IQCK: variants seen among roughly 807,000 people sequenced by gnomAD.
The protein encoded by IQCK is IQ motif containing K, also known as IQ domain-containing protein K.
IQCK carries 29 observed loss-of-function variants against 28.1 expected under a neutral mutation model. That is an observed-to-expected ratio of 1.03 (90% confidence interval 0.77 to 1.41). The LOEUF is 1.41. IQCK is among the 40% of genes most tolerant of loss of function. IQCK has a pLI of 0.00. For synonymous variants in IQCK, 113 were observed against 115.1 expected, an observed-to-expected ratio of 0.98 and a Z score of 0.12; for missense variants, 359 against 314.7, an observed-to-expected ratio of 1.14 and a Z score of -1.07.
In IQCK at chr16:19,825,445, G is replaced by T. The variant is rs188386760; in HGVS notation, c.691-1581G>T. On this transcript the variant is annotated intron_variant, in intron 7 of 7. Coordinates refer to ENST00000564186, the Ensembl canonical transcript of IQCK. The surrounding 1 kb of genome is among the most constrained non-coding windows in gnomAD (Gnocchi z 4.2). ...TGAGGCAGGAGAATTGCTTGAACCC[G>T]GGAAGTGGAGGTTGCAGTGAGCTGA... 5.5e-4 allele frequency among the ~76,000 whole-genome samples: 84 copies of T among 152,118 alleles called. No individual in the cohort carries two copies. Among genetic ancestry groups the T allele is most frequent in the Admixed American group, 1.1e-3 (17 of 15,270 alleles).
intron 1 of IQCK, among the ~76,000 whole-genome samples, chr16:19,729,995 A>G (rs1295301887): frequency 7.0e-6 from 1 of 143,190 alleles, no homozygotes; most frequent in Admixed American, 7.1e-5. Context: ...CTTGTCTTTC[A>G]GGCTGGCTGG....
At chr16:19,735,739 T>G in intron 4 of IQCK, 1 of 408,144 alleles carries the variant, frequency 2.5e-6, no homozygotes, top group South Asian at 2.2e-5. Context: ...TTCTTGGGTC[T>G]TCAGCTTCTG....
At chr16:19,823,788 T>A (rs1174245192) in intron 7 of IQCK, among the ~76,000 whole-genome samples, 2 of 151,888 alleles carry the variant, frequency 1.3e-5, no homozygotes, top group Non-Finnish European at 2.9e-5. Flanking sequence ...ACTACAAAAA[T>A]TAGATGGGGT....
At chr16:19,727,693 C>A (rs148167704) in intron 1 of IQCK, among the ~76,000 whole-genome samples, 1 of 151,874 alleles carries the variant, frequency 6.6e-6, no homozygotes, top group African/African-American at 2.4e-5. Flanking sequence ...CATAAGACAT[C>A]CCTATGTTAT....
intron 7 of IQCK, among the ~76,000 whole-genome samples, chr16:19,806,202 C>G (rs938346892): frequency 6.6e-5 from 10 of 151,964 alleles, no homozygotes; most frequent in Non-Finnish European, 1.2e-4. Context: ...TATTGAGGAC[C>G]AGCAAGAGAG....
At chr16:19,783,933 C>T (rs1035068835) in intron 6 of IQCK, among the ~76,000 whole-genome samples, 26 of 152,204 alleles carry the variant, frequency 1.7e-4, no homozygotes, top group African/African-American at 5.8e-4. Context: ...CTGAGATTTG[C>T]AGTTCTGTTT....
intron 6 of IQCK, among the ~76,000 whole-genome samples, chr16:19,784,980 G>A (rs1007163915): frequency 2.6e-5 from 4 of 152,110 alleles, no homozygotes; most frequent in Non-Finnish European, 5.9e-5. Flanking sequence ...TGTTGGCCAG[G>A]CTGGTCTCGA....
intron 4 of IQCK, among the ~76,000 whole-genome samples, chr16:19,745,187 C>G (rs1234503818): frequency 6.6e-6 from 1 of 152,182 alleles, no homozygotes; most frequent in Non-Finnish European, 1.5e-5. Flanking sequence ...GACCCTGCTG[C>G]ATCGTCTAGG....
intron 6 of IQCK, among the ~76,000 whole-genome samples, chr16:19,781,451 G>A (rs761085480): frequency 2.6e-5 from 4 of 152,132 alleles, no homozygotes; most frequent in Non-Finnish European, 2.9e-5. Flanking sequence ...ATCTCCCAGG[G>A]TAGAGATTAG....
intron 4 of IQCK, among the ~76,000 whole-genome samples, chr16:19,744,256 T>G (rs1003575261): frequency 6.6e-6 from 1 of 152,166 alleles, no homozygotes; most frequent in African/African-American, 2.4e-5. Context: ...TCTTCTTTTC[T>G]CTAAGCACAC....
At chr16:19,762,754 C>T (rs2151708905) in intron 4 of IQCK, among the ~76,000 whole-genome samples, 1 of 152,266 alleles carries the variant, frequency 6.6e-6, no homozygotes, top group East Asian at 1.9e-4. Flanking sequence ...GTGGCTCACA[C>T]CTGTAATCCC....
intron 6 of IQCK, among the ~76,000 whole-genome samples, chr16:19,779,338 G>T (rs2055442535): frequency 6.6e-6 from 1 of 152,228 alleles, no homozygotes. Context: ...TGGATTGGAT[G>T]TTGTGGGAGA....
At chr16:19,740,750 C>A (rs1009970464) in intron 4 of IQCK, among the ~76,000 whole-genome samples, 1 of 151,768 alleles carries the variant, frequency 6.6e-6, no homozygotes, top group South Asian at 2.1e-4. Context: ...GCATGTGGAT[C>A]ATGCAGTCAG....
intron 6 of IQCK, among the ~76,000 whole-genome samples, chr16:19,781,462 T>C (rs1466984102): frequency 6.6e-6 from 1 of 152,140 alleles, no homozygotes; most frequent in Non-Finnish European, 1.5e-5. Flanking sequence ...TAGAGATTAG[T>C]GAAGGGGCCA....
chr16:19,784,087 A>T (rs11648873), intron 6 of IQCK, among the ~76,000 whole-genome samples: 27,374 of 152,058 alleles, frequency 0.18, 2,553 homozygotes, highest in South Asian at 0.26. Context: ...GACAAACTCT[A>T]CTCTGTTTAG....
At chr16:19,806,723 G>C (rs1359119759) in intron 7 of IQCK, among the ~76,000 whole-genome samples, 1 of 82,180 alleles carries the variant, frequency 1.2e-5, no homozygotes, top group South Asian at 4.2e-4. Flanking sequence ...CCCAAAAAAA[G>C]AAAAAATAAA....
chr16:19,771,550 G>A (rs2055321351), intron 6 of IQCK, among the ~76,000 whole-genome samples: 2 of 152,076 alleles, frequency 1.3e-5, no homozygotes, highest in South Asian at 2.1e-4. Flanking sequence ...TCCAGGTTTT[G>A]TATAATAAAA....
chr16:19,839,018 CAAAAAAAA>C (rs71146274), intron 9 of IQCK, among the ~76,000 whole-genome samples: 16 of 42,582 alleles, frequency 3.8e-4, no homozygotes, highest in African/African-American at 1.2e-3. Context: ...GACTCCATAG[CAAAAAAAA>C]AAAAAAAAAA....
At chr16:19,724,285 G>A (rs1977586485) in intron 1 of IQCK, among the ~76,000 whole-genome samples, 1 of 152,102 alleles carries the variant, frequency 6.6e-6, no homozygotes, top group Admixed American at 6.6e-5. Flanking sequence ...CCTCTAGGCT[G>A]TGGTTGAAGC....
Sources: allele counts gnomAD v4.1 joint callset (sites outside exome capture counted in the v4.1 genomes callset), GRCh38; gene constraint gnomAD v4.1.1; non-coding constraint Gnocchi (gnomAD v3.1); transcripts MANE v1.5; gene names NCBI Gene and HGNC (gene_info 2026-07-23, HGNC 2026-07-21).